RSF1: variants seen among roughly 807,000 people sequenced by gnomAD.
RSF1 encodes the protein HBV pX-associated protein 8.
A neutral mutation model predicts 145.2 loss-of-function variants in RSF1; 13 were observed. The ratio of observed to expected loss-of-function variants is 0.09; its 90% CI spans 0.06 to 0.14. The LOEUF is 0.14. RSF1 is among the 10% of genes least tolerant of loss of function. RSF1 has a pLI of 1.00. For synonymous variants in RSF1, 577 were observed against 592.6 expected, an observed-to-expected ratio of 0.97 and a Z score of 0.38; for missense variants, 1,517 against 1,718.2, an observed-to-expected ratio of 0.88 and a Z score of 2.07.
At chr11:77,691,996 T>C (rs894462664) in intron 8 of RSF1, among the ~76,000 whole-genome samples, 1 of 152,132 alleles carries the variant, frequency 6.6e-6, no homozygotes, top group Non-Finnish European at 1.5e-5. Flanking sequence ...GTTCAAGCGA[T>C]TCTGGTGCCT....
chr11:77,694,872 T>A (rs1165982907), intron 7 of RSF1, among the ~76,000 whole-genome samples: 1 of 152,212 alleles, frequency 6.6e-6, no homozygotes, highest in Non-Finnish European at 1.5e-5. Context: ...TAGTCAGATA[T>A]TTTTGGTAGA....
intron 1 of RSF1, among the ~76,000 whole-genome samples, chr11:77,802,572 T>TTACTCTTA (rs1390188741): frequency 6.6e-6 from 1 of 152,130 alleles, no homozygotes; most frequent in Non-Finnish European, 1.5e-5. Flanking sequence ...AGACAGAGTT[T>TTACTCTTA]TACTCTTATT....
chr11:77,680,925 G>C (rs990879110), intron 11 of RSF1, among the ~76,000 whole-genome samples: 2 of 152,216 alleles, frequency 1.3e-5, no homozygotes, highest in African/African-American at 4.8e-5. Flanking sequence ...ACAGGGTGCA[G>C]CTGTAAGGTG....
chr11:77,673,573 C>G (rs1351166226), intron 14 of RSF1, among the ~76,000 whole-genome samples: 1 of 152,094 alleles, frequency 6.6e-6, no homozygotes, highest in East Asian at 1.9e-4. Context: ...AATAAACAAA[C>G]ATATGGAGGA....
At chr11:77,852,237 A>AAAAAAAAAAAAAAAAAAAAAAAAC in the RSF1 span, among the ~76,000 whole-genome samples, 3 of 149,084 alleles carry the variant, frequency 2.0e-5, no homozygotes, top group Non-Finnish European at 4.5e-5. Flanking sequence ...AAAAAAAAAA[A>AAAAAAAAAAAAAAAAAAAAAAAAC]AAAAGAAGAA....
intron 2 of RSF1, among the ~76,000 whole-genome samples, chr11:77,750,566 A>G (rs1336229552): frequency 1.3e-5 from 2 of 152,200 alleles, no homozygotes; most frequent in Admixed American, 6.5e-5. Flanking sequence ...ATGAGCTATA[A>G]TCTGCCTAGG....
chr11:77,787,306 C>T (rs1321028224), intron 1 of RSF1, among the ~76,000 whole-genome samples: 1 of 152,066 alleles, frequency 6.6e-6, no homozygotes, highest in East Asian at 1.9e-4. Flanking sequence ...TCCTACAGAT[C>T]AAATGTGGTT....
intron 1 of RSF1, among the ~76,000 whole-genome samples, chr11:77,783,612 C>T (rs1035879637): frequency 3.3e-5 from 5 of 152,082 alleles, no homozygotes; most frequent in Admixed American, 6.6e-5. Context: ...GAGGCTGAGG[C>T]GGGCGGATTG....
At chr11:77,674,570 C>G (rs141322348) in intron 14 of RSF1, among the ~76,000 whole-genome samples, 1 of 152,310 alleles carries the variant, frequency 6.6e-6, no homozygotes, top group Non-Finnish European at 1.5e-5. Flanking sequence ...CATCACAATC[C>G]TACTAGGCAT....
At chr11:77,719,446 A>C (rs1228647964) in intron 5 of RSF1, among the ~76,000 whole-genome samples, 1 of 152,230 alleles carries the variant, frequency 6.6e-6, no homozygotes, top group East Asian at 1.9e-4. Context: ...TTTAGAGGAC[A>C]AAAGAAAGGA....
chr11:77,815,059 T>C (rs1043974823), intron 1 of RSF1, among the ~76,000 whole-genome samples: 8 of 152,164 alleles, frequency 5.3e-5, no homozygotes, highest in African/African-American at 1.9e-4. Context: ...ACTTCAGACA[T>C]GAGGATCAGG....
At chr11:77,825,497 G>A (rs1381803072), upstream of RSF1, among the ~76,000 whole-genome samples, 2 of 152,134 alleles carry the variant, frequency 1.3e-5, no homozygotes, top group Non-Finnish European at 2.9e-5. Context: ...AAGCTATTAA[G>A]TGTCAACAGA....
chr11:77,769,297 T>C (rs2135942918), intron 1 of RSF1, among the ~76,000 whole-genome samples: 1 of 152,328 alleles, frequency 6.6e-6, no homozygotes, highest in African/African-American at 2.4e-5. Context: ...TACATGATCA[T>C]TTTCTAAAAC....
intron 1 of RSF1, among the ~76,000 whole-genome samples, chr11:77,785,925 C>CAAAAAAAAAAA (rs10661397): frequency 5.4e-5 from 2 of 37,138 alleles, no homozygotes; most frequent in Non-Finnish European, 9.5e-5. Flanking sequence ...GATTCTGTCT[C>CAAAAAAAAAAA]AAAAAAAAAA....
chr11:77,855,286 C>G, the RSF1 span: 1 of 152,186 alleles, frequency 6.6e-6, no homozygotes, highest in African/African-American at 2.4e-5. Context: ...ATTTCTACAG[C>G]TGGCTTGAAT....
At chr11:77,867,840 G>C in the RSF1 span, among the ~76,000 whole-genome samples, 4 of 152,262 alleles carry the variant, frequency 2.6e-5, no homozygotes, top group East Asian at 7.7e-4. Flanking sequence ...CAGAGTGATT[G>C]GTAGGTTTTA....
chr11:77,785,855 G>A (rs1469099441), intron 1 of RSF1, among the ~76,000 whole-genome samples: 1 of 142,268 alleles, frequency 7.0e-6, no homozygotes, highest in African/African-American at 2.6e-5. Flanking sequence ...GAACCTGGGA[G>A]GCAGAGCTTG....
chr11:77,766,139 A>C (rs1451886632), intron 1 of RSF1, among the ~76,000 whole-genome samples: 1 of 136,498 alleles, frequency 7.3e-6, no homozygotes, highest in African/African-American at 3.0e-5. Context: ...ATGCTGGATC[A>C]AAAAAAAAAA....
chr11:77,714,498 T>G (rs929635650), intron 5 of RSF1, among the ~76,000 whole-genome samples: 16 of 152,186 alleles, frequency 1.1e-4, no homozygotes, highest in African/African-American at 3.4e-4. Flanking sequence ...TCTCCTTTTC[T>G]TCCTTGCTTC....
Sources: allele counts gnomAD v4.1 joint callset (sites outside exome capture counted in the v4.1 genomes callset), GRCh38; gene constraint gnomAD v4.1.1; transcripts MANE v1.5; gene names NCBI Gene and HGNC (gene_info 2026-07-23, HGNC 2026-07-21).